The following TACC2 variants were observed in gnomAD, a reference collection of about 807,000 sequenced individuals.
TACC2 encodes transforming acidic coiled-coil containing protein 2.
A neutral mutation model predicts 227.3 loss-of-function variants in TACC2; 137 were observed. The observed-to-expected ratio is 0.60, with a 90% CI of 0.52 to 0.69. The LOEUF is 0.69. TACC2 is among the 30% of genes least tolerant of loss of function. The pLI is 0.00. For synonymous variants in TACC2, 1,523 were observed against 1,487.5 expected, an observed-to-expected ratio of 1.02 and a Z score of -0.55; for missense variants, 3,470 against 3,694.4, an observed-to-expected ratio of 0.94 and a Z score of 1.57.
chr10:122,126,348 T>TGTGTGTGTGTGTGTGTGTGTGTGTG (rs1555053352), intron 5 of TACC2, among the ~76,000 whole-genome samples: 1 of 45,494 alleles, frequency 2.2e-5, no homozygotes, highest in Non-Finnish European at 9.5e-5. Flanking sequence ...GTGTGTGTGT[T>TGTGTGTGTGTGTGTGTGTGTGTGTG]TGATGTTCAA....
At position 122,083,352 on chromosome 10, in the gene TACC2, A is replaced by T; in HGVS notation, c.852A>T (p.Arg284Ser). 6 of 1,613,872 alleles carry T rather than the reference A, an allele frequency of 3.7e-6. No homozygotes were observed. Among genetic ancestry groups the T allele is most frequent in the Non-Finnish European group, 5.1e-6 (6 of 1,179,988 alleles). ...MAPIPQDPAP[R>S]ASDRERGQGE... is the part of the protein sequence containing the mutation. Reference sequence around the variant, plus strand: ...CGATCCCACAAGATCCAGCCCCAAGAGCCTCAGACAGAGAAAGAGGCCAAG... The same window carrying T: ...CGATCCCACAAGATCCAGCCCCAAGTGCCTCAGACAGAGAAAGAGGCCAAG... Residue 284 changes from arginine (R) to serine (S), a missense_variant, in exon 4 of 23, where the codon AGA becomes AGT. Transcript: ENST00000369005.
intron 7 of TACC2, among the ~76,000 whole-genome samples, chr10:122,160,200 C>G (rs1050647736): frequency 1.3e-5 from 2 of 152,092 alleles, no homozygotes; most frequent in Non-Finnish European, 1.5e-5. Flanking sequence ...TTGATTTATC[C>G]AGGTTTCTAG....
chr10:122,218,332 G>A (rs1278971344), intron 11 of TACC2, among the ~76,000 whole-genome samples: 1 of 152,154 alleles, frequency 6.6e-6, no homozygotes, highest in African/African-American at 2.4e-5. Context: ...CTGCTAATAA[G>A]AGACTAAGAT....
Position 122,242,127 on chromosome 10 carries a change from G to C in TACC2, c.8392+126G>C, listed in dbSNP as rs565284790. The C allele has an allele frequency of 8.1e-6, 7 of 864,078 alleles. No individual in the cohort carries two copies. The African/African-American group carries it at 1.2e-4, about 14-fold the overall frequency. 53.5% of individuals were successfully genotyped at this position (864,078 alleles called of 1,614,324 possible). ...CGTGAAGCCTTTCAGGGAAGGACCA[G>C]AGCATTCCAGAAAATATGGCTTTGC... On this transcript the variant is annotated intron_variant, in intron 19 of 22. Transcript: ENST00000369005.
Position 122,249,052 on chromosome 10 carries a change from T to C in TACC2, c.8556T>C (p.Asn2852=). 6.2e-7 allele frequency: 1 copy of C among 1,612,334 alleles called. No individual in the cohort carries two copies. ...MKEVLEGFRK[N]EEVLKRCAQE... The stretch of plus-strand genomic sequence containing the variant: ...TGTCCTCTGCCCTGCTGTGTCAGAA[T>C]GAAGAGGTGTTGAAGAGATGTGCGC... The change falls in exon 21 of 23, where the codon AAT becomes AAC. Residue 2852 remains asparagine (N), a splice_region_variant and synonymous_variant. Transcript: ENST00000369005.
intron 5 of TACC2, among the ~76,000 whole-genome samples, chr10:122,107,343 C>T (rs993102847): frequency 2.6e-5 from 4 of 151,992 alleles, no homozygotes; most frequent in Admixed American, 2.0e-4. Context: ...AATCCCAGCA[C>T]TTTGGGAGGC....
At chr10:122,123,570 C>G (rs1169379062) in intron 5 of TACC2, among the ~76,000 whole-genome samples, 4 of 152,212 alleles carry the variant, frequency 2.6e-5, no homozygotes, top group Non-Finnish European at 4.4e-5. Context: ...GTCGTGGTGC[C>G]TGTGCTGTGG....
rs9664977 is a variant in TACC2, at chr10:122,137,247, A to G, written c.5699+4513A>G. On this transcript the variant is annotated intron_variant, in intron 6 of 22. Coordinates refer to ENST00000369005, the MANE Select transcript of TACC2 (RefSeq NM_206862.4). ...CTTTGAACAAATGACCACATTGCCT[A>G]TGGCCACTTGTACTCTCATCTGTTC... Among the ~76,000 whole-genome samples the G allele has an allele frequency of 3.1e-3, 468 of 151,562 alleles. 2 individuals carry two copies. Among genetic ancestry groups the G allele is most frequent in the African/African-American group, 0.011 (452 of 41,310 alleles).
At chr10:122,233,671 G>A (rs1034745749) in intron 16 of TACC2, among the ~76,000 whole-genome samples, 8 of 152,278 alleles carry the variant, frequency 5.3e-5, no homozygotes, top group South Asian at 4.1e-4. Context: ...GGAGGGAGAC[G>A]TGATGCCCAA....
intron 5 of TACC2, among the ~76,000 whole-genome samples, chr10:122,104,421 T>C (rs1394326860): frequency 6.6e-6 from 1 of 152,128 alleles, no homozygotes; most frequent in Admixed American, 6.6e-5. Flanking sequence ...CAGGCTGGAG[T>C]GCAGTGGTGC....
At chr10:122,011,929 T>C (rs1052642612) in intron 1 of TACC2, among the ~76,000 whole-genome samples, 1 of 152,026 alleles carries the variant, frequency 6.6e-6, no homozygotes, top group Middle Eastern at 3.2e-3. Flanking sequence ...AGTTTTTTGT[T>C]TTTGTTTGCT....
chr10:122,191,601 C>T (rs1013193737), intron 7 of TACC2, among the ~76,000 whole-genome samples: 8 of 152,070 alleles, frequency 5.3e-5, no homozygotes, highest in Non-Finnish European at 1.0e-4. Context: ...TGTCCTGGGC[C>T]GCATGCAGCC....
rs1952941161 is a variant in TACC2 at position 121,989,401 on chromosome 10, C to T, written c.-133C>T. 1 of 152,252 alleles carries T rather than the reference C, an allele frequency of 6.6e-6. No homozygotes were observed. Among genetic ancestry groups the T allele is most frequent in the African/African-American group, 2.4e-5 (1 of 41,458 alleles). 9.4% of individuals were successfully genotyped at this position (152,252 alleles called of 1,614,324 possible). A position where few individuals can be genotyped will look rare whatever the true frequency, so the allele number is the denominator to read the frequency against. On this transcript the variant is annotated 5_prime_UTR_variant, in exon 1 of 23. Coordinates refer to ENST00000369005, the MANE Select transcript of TACC2 (RefSeq NM_206862.4). The stretch of plus-strand genomic sequence containing the variant: ...TGGTTTCTTACTCTACCTTATGCCC[C>T]TTGGGCGAATTTTTTCCTCTGAGGA...
At chr10:122,053,199 A>G (rs1306278008) in intron 3 of TACC2, among the ~76,000 whole-genome samples, 12 of 152,200 alleles carry the variant, frequency 7.9e-5, no homozygotes, top group Admixed American at 7.2e-4. Flanking sequence ...TGGCTGGGGA[A>G]GCCTCACAAT....
intron 2 of TACC2, among the ~76,000 whole-genome samples, chr10:122,029,194 A>G (rs938145300): frequency 6.6e-5 from 10 of 151,584 alleles, no homozygotes; most frequent in African/African-American, 2.4e-4. Flanking sequence ...CTTGTAATCA[A>G]GTTGAGGAAG....
At chr10:122,118,608 T>C (rs1016172825) in intron 5 of TACC2, among the ~76,000 whole-genome samples, 1 of 152,228 alleles carries the variant, frequency 6.6e-6, no homozygotes, top group Non-Finnish European at 1.5e-5. Flanking sequence ...CCTGGTTGCA[T>C]TGCAGGGAGA....
At chr10:122,002,402 C>T (rs1954500328) in intron 1 of TACC2, among the ~76,000 whole-genome samples, 1 of 136,712 alleles carries the variant, frequency 7.3e-6, no homozygotes, top group South Asian at 2.6e-4. Context: ...TTGCATCACT[C>T]ATGTTCATGA....
At chr10:122,007,558 G>A (rs1443752109) in intron 1 of TACC2, among the ~76,000 whole-genome samples, 3 of 152,022 alleles carry the variant, frequency 2.0e-5, no homozygotes, top group African/African-American at 4.8e-5. Flanking sequence ...CTTCTTGTCC[G>A]TTTTTATGGC....
intron 3 of TACC2, among the ~76,000 whole-genome samples, chr10:122,071,464 G>T (rs2078044368): frequency 6.6e-6 from 1 of 152,010 alleles, no homozygotes; most frequent in Non-Finnish European, 1.5e-5. Flanking sequence ...AAAAAAATTG[G>T]TTAAAAGATA....
Sources: allele counts gnomAD v4.1 joint callset (sites outside exome capture counted in the v4.1 genomes callset), GRCh38; gene constraint gnomAD v4.1.1; transcripts MANE v1.5; gene names NCBI Gene and HGNC (gene_info 2026-07-23, HGNC 2026-07-21).